Variants in PDE6D observed in about 807,000 individuals in gnomAD.
PDE6D encodes the protein retinal rod rhodopsin-sensitive cGMP 3',5'-cyclic phosphodiesterase subunit delta.
A neutral mutation model predicts 21.9 loss-of-function variants in PDE6D; 10 were observed. That is an observed-to-expected ratio of 0.46 (90% CI 0.28 to 0.78). The LOEUF is 0.78. PDE6D is among the 30% of genes least tolerant of loss of function. The pLI is 0.12. For missense variants in PDE6D, 139 were observed against 184.8 expected, an observed-to-expected ratio of 0.75 and a Z score of 1.44; for synonymous variants, 59 against 63.5, an observed-to-expected ratio of 0.93 and a Z score of 0.34.
At chr2:231,734,763 C>T (rs1224067226) in intron 4 of PDE6D, among the ~76,000 whole-genome samples, 5 of 144,782 alleles carry the variant, frequency 3.5e-5, no homozygotes, top group East Asian at 2.1e-4. Flanking sequence ...AGGAGAATGG[C>T]GTGAACCTGG....
chr2:231,740,017 A>C (rs998234013), intron 1 of PDE6D, among the ~76,000 whole-genome samples: 9 of 152,336 alleles, frequency 5.9e-5, no homozygotes, highest in African/African-American at 1.9e-4. Flanking sequence ...AAAGAGGCTT[A>C]CAGATAAAGA....
At chr2:231,744,415 T>TA (rs2048775111) in intron 1 of PDE6D, among the ~76,000 whole-genome samples, 1 of 151,790 alleles carries the variant, frequency 6.6e-6, no homozygotes, top group South Asian at 2.1e-4. Context: ...ATAACCAGGT[T>TA]AAGGACTTAA....
intron 1 of PDE6D, among the ~76,000 whole-genome samples, chr2:231,744,994 G>A (rs1490139886): frequency 3.9e-5 from 6 of 152,152 alleles, no homozygotes; most frequent in Non-Finnish European, 7.3e-5. Context: ...TGAGGCCATT[G>A]AAGGCCCCTC....
chr2:231,733,965 C>A (rs189792040), intron 4 of PDE6D, among the ~76,000 whole-genome samples: 17 of 152,216 alleles, frequency 1.1e-4, no homozygotes, highest in Admixed American at 9.2e-4. Context: ...GTAATCCCAG[C>A]ACTTTGGGAG....
rs139137283 is a variant in PDE6D at position 231,757,444 on chromosome 2, C to T, written c.51-18256G>A. Among the ~76,000 whole-genome samples the T allele has an allele frequency of 3.0e-4, 45 of 152,268 alleles. 1 individual carries two copies. In the East Asian group the frequency reaches 8.1e-3, roughly 27 times the overall value. Reference sequence around the variant, plus strand: ...TCCCCAGTAGGTGGGATTATAGGAGCGTGCGACCACGCCCAGCTAATTGTT... The same window carrying T: ...TCCCCAGTAGGTGGGATTATAGGAGTGTGCGACCACGCCCAGCTAATTGTT... On this transcript the variant is annotated intron_variant, in intron 1 of 4. Coordinates refer to ENST00000287600, the MANE Select transcript of PDE6D (RefSeq NM_002601.4).
At chr2:231,749,693 G>A (rs780691206) in intron 1 of PDE6D, among the ~76,000 whole-genome samples, 2 of 151,934 alleles carry the variant, frequency 1.3e-5, no homozygotes, top group Non-Finnish European at 2.9e-5. Flanking sequence ...CACCATGCCC[G>A]ACTAGTTTTT....
chr2:231,780,785 C>T (rs1228809574), intron 1 of PDE6D, among the ~76,000 whole-genome samples: 4 of 152,142 alleles, frequency 2.6e-5, no homozygotes, highest in Admixed American at 6.5e-5. Context: ...GCGTTTCCGA[C>T]GCCCGGCACC....
rs184278167 is a variant in PDE6D, at chr2:231,762,493, C to T, written c.50+18572G>A. Among the ~76,000 whole-genome samples, 271 of 151,940 alleles carry T rather than the reference C, an allele frequency of 1.8e-3. 1 individual carries two copies. The highest frequency in any genetic ancestry group is 8.5e-3 in the South Asian group (41 of 4,818). On this transcript the variant is annotated intron_variant, in intron 1 of 4. Transcript: ENST00000287600. ...CCGAGTAGCTGGGATTACAGGTGGG[C>T]ACCACCATGCCCAGCTAATGTTTGT... is the stretch of plus-strand genomic sequence containing the variant.
At chr2:231,745,469 C>G (rs946704281) in intron 1 of PDE6D, among the ~76,000 whole-genome samples, 1 of 152,142 alleles carries the variant, frequency 6.6e-6, no homozygotes, top group Non-Finnish European at 1.5e-5. Context: ...AAGTTCTACC[C>G]TCTGGGTCAG....
chr2:231,753,508 G>A (rs1388935281), intron 1 of PDE6D, among the ~76,000 whole-genome samples: 1 of 151,828 alleles, frequency 6.6e-6, no homozygotes, highest in African/African-American at 2.4e-5. Flanking sequence ...CCGAGATCGT[G>A]CCACTGCAGT....
At chr2:231,740,690 A>G (rs1199120347) in intron 1 of PDE6D, among the ~76,000 whole-genome samples, 1 of 151,192 alleles carries the variant, frequency 6.6e-6, no homozygotes, top group African/African-American at 2.4e-5. Context: ...CAAAAAAAAA[A>G]AAAAAAAAAA....
chr2:231,754,726 A>G (rs981009365), intron 1 of PDE6D, among the ~76,000 whole-genome samples: 1 of 151,328 alleles, frequency 6.6e-6, no homozygotes, highest in Non-Finnish European at 1.5e-5. Flanking sequence ...ATGCAGCAAA[A>G]CTTATTCCAA....
At chr2:231,749,898 T>C (rs1487834672) in intron 1 of PDE6D, among the ~76,000 whole-genome samples, 2 of 151,894 alleles carry the variant, frequency 1.3e-5, no homozygotes, top group African/African-American at 2.4e-5. Flanking sequence ...CTTTGGGGGA[T>C]TGTTGGAAAG....
intron 1 of PDE6D, among the ~76,000 whole-genome samples, chr2:231,750,727 C>T (rs2048833276): frequency 3.5e-5 from 5 of 141,460 alleles, no homozygotes; most frequent in South Asian, 4.4e-4. Flanking sequence ...AGGCTGGTCT[C>T]GAACTCCTGA....
At chr2:231,752,324 T>C (rs2048845906) in intron 1 of PDE6D, among the ~76,000 whole-genome samples, 1 of 152,208 alleles carries the variant, frequency 6.6e-6, no homozygotes, top group Admixed American at 6.5e-5. Flanking sequence ...CTTAGATCAG[T>C]CATTTAACCT....
intron 1 of PDE6D, among the ~76,000 whole-genome samples, chr2:231,753,605 AAAT>A (rs1185297326): frequency 5.9e-5 from 9 of 151,546 alleles, no homozygotes; most frequent in Admixed American, 1.3e-4. Flanking sequence ...AAAAATAAAT[AAAT>A]AATAAAAGAT....
At chr2:231,762,406 G>C (rs2048938575) in intron 1 of PDE6D, among the ~76,000 whole-genome samples, 1 of 141,748 alleles carries the variant, frequency 7.1e-6, no homozygotes, top group Non-Finnish European at 1.5e-5. Context: ...GTGCAGTAGT[G>C]CGATCTCAGC....
chr2:231,780,391 G>A (rs1206137166), intron 1 of PDE6D, among the ~76,000 whole-genome samples: 1 of 152,146 alleles, frequency 6.6e-6, no homozygotes, highest in Non-Finnish European at 1.5e-5. Context: ...CGCTGAGGGG[G>A]AAGCAGTGAC....
intron 1 of PDE6D, among the ~76,000 whole-genome samples, chr2:231,758,428 C>T (rs1432591899): frequency 6.6e-6 from 1 of 152,184 alleles, no homozygotes; most frequent in Non-Finnish European, 1.5e-5. Context: ...TAAGCCACTG[C>T]ATCTGGCCAC....
Sources: gnomAD v4.1 joint callset for allele counts (sites outside exome capture counted in the v4.1 genomes callset) on GRCh38, gnomAD v4.1.1 for gene constraint, MANE v1.5 for transcripts, NCBI Gene and HGNC (gene_info 2026-07-23, HGNC 2026-07-21) for gene names.